RCBTB1: variants seen among roughly 807,000 people sequenced by gnomAD.
The protein encoded by RCBTB1 is RCC1 and BTB domain-containing protein 1.
A neutral mutation model predicts 62.4 loss-of-function variants in RCBTB1; 46 were observed. The ratio of observed to expected loss-of-function variants is 0.74; its 90% CI spans 0.58 to 0.94. The LOEUF is 0.94. Ranked by LOEUF, RCBTB1 falls within the 40% of genes least tolerant of loss-of-function variation. The pLI, the probability that RCBTB1 is intolerant of heterozygous loss-of-function variation, is 0.00. For missense variants in RCBTB1, 565 were observed against 654.9 expected (o/e 0.86, Z 1.50); for synonymous variants, 222 against 245.8 (o/e 0.90, Z 0.91).
chr13:49,539,071 T>C (rs1288275570), intron 12 of RCBTB1, among the ~76,000 whole-genome samples: 4 of 152,060 alleles, frequency 2.6e-5, no homozygotes, highest in African/African-American at 7.2e-5. Context: ...GGTTTCACCA[T>C]GTTGGCCAGG....
intron 9 of RCBTB1, among the ~76,000 whole-genome samples, chr13:49,547,368 A>T (rs1960885046): frequency 6.6e-6 from 1 of 152,168 alleles, no homozygotes; most frequent in Non-Finnish European, 1.5e-5. Context: ...TAGAAAATTA[A>T]CCTTCAATAT....
At chr13:49,548,598 T>G (rs1481090121) in intron 9 of RCBTB1, among the ~76,000 whole-genome samples, 4 of 151,688 alleles carry the variant, frequency 2.6e-5, no homozygotes, top group Admixed American at 2.0e-4. Flanking sequence ...ATGGTGTATA[T>G]ATATATAATG....
intron 9 of RCBTB1, among the ~76,000 whole-genome samples, chr13:49,545,854 A>G (rs9568244): frequency 2.6e-5 from 4 of 152,072 alleles, no homozygotes; most frequent in African/African-American, 4.8e-5. Flanking sequence ...TAGAGGAGGG[A>G]CAACAGCTAA....
chr13:49,549,958 C>G (rs189910726), intron 8 of RCBTB1: 4 of 952,844 alleles, frequency 4.2e-6, no homozygotes, highest in Non-Finnish European at 3.7e-6. Context: ...TGAGAAAATG[C>G]CCTAACAAAT....
At chr13:49,535,187 TTCAG>T (rs890772918) in intron 12 of RCBTB1, among the ~76,000 whole-genome samples, 5 of 152,140 alleles carry the variant, frequency 3.3e-5, no homozygotes, top group Non-Finnish European at 5.9e-5. Flanking sequence ...CAGGTTAGTT[TTCAG>T]TCAAACAGAA....
At chr13:49,575,456 G>A (rs1371425659) in intron 2 of RCBTB1, among the ~76,000 whole-genome samples, 1 of 149,098 alleles carries the variant, frequency 6.7e-6, no homozygotes, top group Non-Finnish European at 1.5e-5. Context: ...AAATGCACCT[G>A]TATGTTCATC....
chr13:49,569,509 C>T (rs924289432), intron 2 of RCBTB1, among the ~76,000 whole-genome samples: 1 of 151,892 alleles, frequency 6.6e-6, no homozygotes, highest in Non-Finnish European at 1.5e-5. Context: ...GTCAAGAGTT[C>T]GTGACCAGCC....
chr13:49,536,360 A>C (rs754104549), intron 12 of RCBTB1, among the ~76,000 whole-genome samples: 2 of 152,208 alleles, frequency 1.3e-5, no homozygotes, highest in Non-Finnish European at 2.9e-5. Context: ...CGCACAGTCA[A>C]GCTGAACCAC....
chr13:49,539,054 G>A (rs1195350621), intron 12 of RCBTB1, among the ~76,000 whole-genome samples: 2 of 151,910 alleles, frequency 1.3e-5, no homozygotes, highest in Non-Finnish European at 2.9e-5. Flanking sequence ...ATTTTTAGTA[G>A]AGACAGGGTT....
chr13:49,579,357 C>T (rs1229179638), intron 2 of RCBTB1, among the ~76,000 whole-genome samples: 3 of 152,136 alleles, frequency 2.0e-5, no homozygotes, highest in African/African-American at 7.2e-5. Flanking sequence ...GGCGTGGTGG[C>T]TCACACCTGT....
intron 1 of RCBTB1, among the ~76,000 whole-genome samples, chr13:49,584,769 A>C (rs566969708): frequency 6.6e-6 from 1 of 152,326 alleles, no homozygotes; most frequent in African/African-American, 2.4e-5. Context: ...AGAGTTCCGC[A>C]GATGGCTTGA....
In RCBTB1 at chr13:49,584,814, G is replaced by T. The variant is rs541483621; in HGVS notation, c.-122+630C>A. Among the ~76,000 whole-genome samples the T allele has an allele frequency of 5.3e-5, 8 of 152,242 alleles. 1 individual carries two copies. Among genetic ancestry groups the T allele is most frequent in the African/African-American group, 1.9e-4 (8 of 41,548 alleles). The stretch of plus-strand genomic sequence containing the variant: ...ACATGCAAATAAATAAAAACAAAAG[G>T]CCACTTATGCGAGCAGAACACAGCG... On this transcript the variant is annotated intron_variant, in intron 1 of 12. Transcript: ENST00000378302.
At chr13:49,549,676 T>C (rs776872087) in intron 8 of RCBTB1, 28 bp from the exon 9 acceptor site, 7 of 1,584,636 alleles carry the variant, frequency 4.4e-6, no homozygotes, top group Middle Eastern at 1.7e-4. Context: ...AAATGCATGT[T>C]ACTTCATGAT....
chr13:49,546,454 G>A (rs866924704), intron 9 of RCBTB1: 15 of 494,246 alleles, frequency 3.0e-5, no homozygotes, highest in Middle Eastern at 2.1e-3. Flanking sequence ...GGACCGAGGC[G>A]GGGAGGAGGA....
chr13:49,551,480 T>C lies in RCBTB1; in HGVS notation c.712-12A>G, dbSNP rs1385154677. 3.7e-6 allele frequency: 6 copies of C among 1,613,486 alleles called. No homozygotes were observed. Among genetic ancestry groups the C allele is most frequent in the Non-Finnish European group, 5.1e-6 (6 of 1,179,910 alleles). On this transcript the variant is annotated splice_polypyrimidine_tract_variant and intron_variant, in intron 7 of 12. Coordinates refer to ENST00000378302, the MANE Select transcript of RCBTB1 (RefSeq NM_018191.4). ...TAACCGCAGACAATCTGCAAGTAAA[T>C]TGAAACGGTTACCATTAGCAGGAAA...
chr13:49,585,263 G>A (rs1459402147), intron 1 of RCBTB1, among the ~76,000 whole-genome samples, 181 bp downstream of exon 1: 1 of 152,088 alleles, frequency 6.6e-6, no homozygotes, highest in African/African-American at 2.4e-5. Flanking sequence ...GGGCCGGGCC[G>A]GGGACCCCAT....
intron 2 of RCBTB1, among the ~76,000 whole-genome samples, chr13:49,568,648 C>T (rs1226506330): frequency 1.8e-5 from 1 of 55,444 alleles, no homozygotes; most frequent in Non-Finnish European, 3.9e-5. Flanking sequence ...ATAATCAGGC[C>T]GGGGGAGGGG....
At chr13:49,563,347 C>T (rs56213457) in intron 4 of RCBTB1, among the ~76,000 whole-genome samples, 29,533 of 121,360 alleles carry the variant, frequency 0.24, 4,510 homozygotes, top group African/African-American at 0.45. Context: ...GAGAGAGAGA[C>T]CCTGCCTCAA....
intron 2 of RCBTB1, among the ~76,000 whole-genome samples, chr13:49,573,761 TTTAAAA>T (rs757090075): frequency 6.8e-6 from 1 of 147,720 alleles, no homozygotes; most frequent in Non-Finnish European, 1.5e-5. Context: ...TCTTTGTATT[TTTAAAA>T]TATAGTCCCA....
Sources: gnomAD v4.1 joint callset for allele counts (sites outside exome capture counted in the v4.1 genomes callset) on GRCh38, gnomAD v4.1.1 for gene constraint, MANE v1.5 for transcripts, NCBI Gene and HGNC (gene_info 2026-07-23, HGNC 2026-07-21) for gene names.